Variants in DACH1 observed in about 807,000 individuals in gnomAD.
DACH1 encodes the protein dachshund homolog 1.
A neutral mutation model predicts 54.2 loss-of-function variants in DACH1; 12 were observed. The observed-to-expected ratio is 0.22, with a 90% CI of 0.14 to 0.36. DACH1 has a LOEUF of 0.36. DACH1 is among the 10% of genes least tolerant of loss of function. The pLI is 1.00. For synonymous variants in DACH1, 386 were observed against 366.2 expected, an observed-to-expected ratio of 1.05 and a Z score of -0.62; for missense variants, 805 against 929.8, an observed-to-expected ratio of 0.87 and a Z score of 1.75.
chr13:71,491,139 C>A (rs1407950224), intron 6 of DACH1, among the ~76,000 whole-genome samples: 1 of 152,120 alleles, frequency 6.6e-6, no homozygotes, highest in African/African-American at 2.4e-5. Flanking sequence ...ATCATTAAAT[C>A]ACTCATGATG....
At chr13:71,501,088 T>TTA (rs1053181442) in intron 6 of DACH1, among the ~76,000 whole-genome samples, 3 of 152,176 alleles carry the variant, frequency 2.0e-5, no homozygotes, top group African/African-American at 7.2e-5. Flanking sequence ...TGTCCTGCCT[T>TTA]TTCAGATCAA....
chr13:71,581,277 T>C (rs956526446), intron 3 of DACH1, among the ~76,000 whole-genome samples: 3 of 152,170 alleles, frequency 2.0e-5, no homozygotes, highest in African/African-American at 7.2e-5. Context: ...ATTGTTATTA[T>C]TATTTTTTAT....
intron 2 of DACH1, among the ~76,000 whole-genome samples, chr13:71,663,053 T>C (rs1879612721): frequency 6.6e-6 from 1 of 151,904 alleles, no homozygotes; most frequent in Non-Finnish European, 1.5e-5. Flanking sequence ...TATTGTATGA[T>C]ATCTAATATT....
At chr13:71,690,801 G>A (rs1881440657) in intron 1 of DACH1, among the ~76,000 whole-genome samples, 1 of 151,968 alleles carries the variant, frequency 6.6e-6, no homozygotes, top group South Asian at 2.1e-4. Flanking sequence ...GCATGGTGGT[G>A]CATGCCTGTA....
intron 3 of DACH1, among the ~76,000 whole-genome samples, chr13:71,612,219 A>C (rs1206340786): frequency 6.6e-6 from 1 of 152,120 alleles, no homozygotes; most frequent in Non-Finnish European, 1.5e-5. Context: ...GAAATGCTAT[A>C]GTAGAATCCT....
At chr13:71,717,904 C>A (rs376210944) in intron 1 of DACH1, among the ~76,000 whole-genome samples, 3 of 150,774 alleles carry the variant, frequency 2.0e-5, no homozygotes, top group Admixed American at 6.6e-5. Flanking sequence ...AAAAAAAAAA[C>A]ACAGAAATCA....
At chr13:71,561,532 T>C (rs749260259) in intron 4 of DACH1, among the ~76,000 whole-genome samples, 5 of 152,148 alleles carry the variant, frequency 3.3e-5, no homozygotes, top group African/African-American at 1.2e-4. Context: ...CCAGAAGCTA[T>C]AGAAAGCGAA....
chr13:71,605,504 A>T (rs1874809144), intron 3 of DACH1, among the ~76,000 whole-genome samples: 1 of 151,906 alleles, frequency 6.6e-6, no homozygotes, highest in Non-Finnish European at 1.5e-5. Flanking sequence ...TAACATAATG[A>T]ATGAATATAC....
At position 71,735,738 on chromosome 13, in the gene DACH1, T is replaced by G. The variant is rs563018934; in HGVS notation, c.849-53828A>C. ...TCTTCACCAAACATTTCTCTTATTC[T>G]AGAAGTAATTTAGAAATTAAGGGAA... On this transcript the variant is annotated intron_variant, in intron 1 of 10. Coordinates refer to ENST00000613252, the MANE Select transcript of DACH1 (RefSeq NM_080759.6). Among the ~76,000 whole-genome samples, 3 of 152,098 alleles carry G rather than the reference T, an allele frequency of 2.0e-5. No individual in the cohort carries two copies. The South Asian group carries it at 6.2e-4, about 32-fold the overall frequency.
At chr13:71,500,975 C>T (rs535190210) in intron 6 of DACH1, among the ~76,000 whole-genome samples, 17 of 152,132 alleles carry the variant, frequency 1.1e-4, no homozygotes, top group African/African-American at 3.6e-4. Flanking sequence ...TTCATTTCTA[C>T]GAACTTCAAG....
chr13:71,762,445 G>A (rs938622229), intron 1 of DACH1, among the ~76,000 whole-genome samples: 11 of 152,080 alleles, frequency 7.2e-5, no homozygotes, highest in South Asian at 2.1e-4. Flanking sequence ...TGAATATGAT[G>A]TAATAAAAAA....
chr13:71,541,656 T>C (rs1335526242), intron 6 of DACH1, among the ~76,000 whole-genome samples: 1 of 152,056 alleles, frequency 6.6e-6, no homozygotes, highest in Non-Finnish European at 1.5e-5. Context: ...ACATGAATCA[T>C]TTGTTGTCAG....
intron 6 of DACH1, among the ~76,000 whole-genome samples, chr13:71,541,870 C>T (rs1002200058): frequency 6.7e-5 from 10 of 148,972 alleles, no homozygotes; most frequent in Non-Finnish European, 1.3e-4. Flanking sequence ...CTTTAGCTTG[C>T]TGTCCTTTTT....
chr13:71,854,803 G>A (rs1277819298), intron 1 of DACH1, among the ~76,000 whole-genome samples: 1 of 152,052 alleles, frequency 6.6e-6, no homozygotes, highest in Non-Finnish European at 1.5e-5. Context: ...AATGAAATTA[G>A]GTATATAATT....
chr13:71,446,638 T>C (rs763849052), intron 10 of DACH1, among the ~76,000 whole-genome samples: 2 of 152,158 alleles, frequency 1.3e-5, no homozygotes, highest in Non-Finnish European at 2.9e-5. Context: ...ACTTTTCCTC[T>C]AATAAGCAAC....
At chr13:71,552,876 GAGAGAA>G (rs1306919730) in intron 6 of DACH1, among the ~76,000 whole-genome samples, 9 of 128,768 alleles carry the variant, frequency 7.0e-5, no homozygotes, top group South Asian at 2.5e-4. Context: ...GAGAGAGAGA[GAGAGAA>G]AGAGACAGAA....
At chr13:71,525,709 T>G (rs1350973516) in intron 6 of DACH1, among the ~76,000 whole-genome samples, 1 of 152,180 alleles carries the variant, frequency 6.6e-6, no homozygotes, top group Non-Finnish European at 1.5e-5. Context: ...TGTATTTTAT[T>G]ATCTACTTCA....
intron 1 of DACH1, among the ~76,000 whole-genome samples, chr13:71,754,122 G>A (rs1189176802): frequency 6.6e-6 from 1 of 151,654 alleles, no homozygotes; most frequent in African/African-American, 2.4e-5. Flanking sequence ...TTCATATCCT[G>A]TTTCAGCAAA....
At chr13:71,595,396 T>G (rs2138474395) in intron 3 of DACH1, among the ~76,000 whole-genome samples, 1 of 152,190 alleles carries the variant, frequency 6.6e-6, no homozygotes, top group African/African-American at 2.4e-5. Flanking sequence ...TGATTTGACA[T>G]TTGTATTTAA....
Sources: gnomAD v4.1 joint callset for allele counts (sites outside exome capture counted in the v4.1 genomes callset) on GRCh38, gnomAD v4.1.1 for gene constraint, MANE v1.5 for transcripts, NCBI Gene and HGNC (gene_info 2026-07-23, HGNC 2026-07-21) for gene names.